The following ELP4 variants were observed in gnomAD, a reference collection of about 807,000 sequenced individuals.
ELP4 encodes the protein elongator acetyltransferase complex subunit 4.
ELP4 carries 51 observed loss-of-function variants against 48.9 expected under a neutral mutation model. The ratio of observed to expected loss-of-function variants is 1.04; its 90% CI spans 0.83 to 1.32. The LOEUF is 1.32. Ranked by LOEUF, ELP4 falls within the 40% of genes most tolerant of loss-of-function variation. ELP4 has a pLI of 0.00. For synonymous variants in ELP4, 210 were observed against 189.2 expected, an observed-to-expected ratio of 1.11 and a Z score of -0.90; for missense variants, 519 against 514.6, an observed-to-expected ratio of 1.01 and a Z score of -0.08.
chr11:31,713,664 C>T (rs1946785855), intron 9 of ELP4, among the ~76,000 whole-genome samples: 1 of 152,124 alleles, frequency 6.6e-6, no homozygotes, highest in Non-Finnish European at 1.5e-5. Flanking sequence ...CTCAATTCCA[C>T]CAACCTTACA....
chr11:31,625,401 C>T (rs1944720688), intron 5 of ELP4, among the ~76,000 whole-genome samples: 1 of 151,702 alleles, frequency 6.6e-6, no homozygotes, highest in Non-Finnish European at 1.5e-5. Context: ...CATATGGAAT[C>T]AACATAAGTG....
intron 9 of ELP4, among the ~76,000 whole-genome samples, chr11:31,694,215 T>C (rs1480387329): frequency 6.6e-6 from 1 of 152,154 alleles, no homozygotes; most frequent in Admixed American, 6.6e-5. Flanking sequence ...GCTTTTGGTG[T>C]TTTAGACATG....
At chr11:31,763,344 C>T (rs1267584024) in intron 9 of ELP4, 2 of 1,416,006 alleles carry the variant, frequency 1.4e-6, no homozygotes, top group Non-Finnish European at 9.5e-7. Flanking sequence ...TTTTCCCCCT[C>T]TAATCCTTCT....
At chr11:31,615,938 G>C (rs1477635061) in intron 5 of ELP4, among the ~76,000 whole-genome samples, 1 of 152,004 alleles carries the variant, frequency 6.6e-6, no homozygotes, top group South Asian at 2.1e-4. Context: ...AAGTTAATGA[G>C]AACTGATTTT....
intron 9 of ELP4, among the ~76,000 whole-genome samples, chr11:31,731,320 T>C (rs958857614): frequency 2.0e-5 from 3 of 152,182 alleles, no homozygotes; most frequent in African/African-American, 7.2e-5. Context: ...AGAGAAACTA[T>C]GTGTGAACAA....
chr11:31,664,917 G>T (rs922875617), intron 9 of ELP4, among the ~76,000 whole-genome samples: 1 of 152,124 alleles, frequency 6.6e-6, no homozygotes, highest in East Asian at 1.9e-4. Flanking sequence ...TTAATAATGT[G>T]TGACTTTTCT....
At chr11:31,628,302 T>C (rs1231331277) in intron 6 of ELP4, 1 of 152,114 alleles carries the variant, frequency 6.6e-6, no homozygotes, top group Non-Finnish European at 1.5e-5. Flanking sequence ...GTGGTAACTA[T>C]GGAAACAGGC....
intron 9 of ELP4, among the ~76,000 whole-genome samples, chr11:31,738,232 CAAAAA>C (rs57817538): frequency 5.6e-5 from 3 of 53,714 alleles, no homozygotes; most frequent in African/African-American, 7.3e-5. Flanking sequence ...CCATCTCTAC[CAAAAA>C]AAAAAAAAAA....
chr11:31,645,426 G>A (rs145516629), intron 7 of ELP4, among the ~76,000 whole-genome samples: 1 of 151,822 alleles, frequency 6.6e-6, no homozygotes, highest in African/African-American at 2.4e-5. Context: ...TTTGAAATAA[G>A]CAAATGTCAG....
At chr11:31,587,951 G>T (rs779512183) in intron 3 of ELP4, among the ~76,000 whole-genome samples, 1 of 152,038 alleles carries the variant, frequency 6.6e-6, no homozygotes, top group African/African-American at 2.4e-5. Context: ...GAACATTATA[G>T]TTGATAGTTG....
chr11:31,546,843 G>A (rs1401434200), intron 3 of ELP4, among the ~76,000 whole-genome samples: 8 of 152,028 alleles, frequency 5.3e-5, no homozygotes, highest in East Asian at 1.9e-4. Flanking sequence ...ACTCAAAACC[G>A]CTCAACTGTA....
At chr11:31,593,667 G>A (rs372802254) in intron 3 of ELP4, among the ~76,000 whole-genome samples, 7 of 152,186 alleles carry the variant, frequency 4.6e-5, no homozygotes, top group South Asian at 2.1e-4. Flanking sequence ...TCTAGTTGCC[G>A]AATTCAAACT....
At chr11:31,570,351 A>T (rs534940165) in intron 3 of ELP4, among the ~76,000 whole-genome samples, 6 of 152,116 alleles carry the variant, frequency 3.9e-5, no homozygotes, top group African/African-American at 1.4e-4. Flanking sequence ...TGTGGAATAC[A>T]AGGCAGGAGA....
At chr11:31,741,150 G>A (rs997545220) in intron 9 of ELP4, among the ~76,000 whole-genome samples, 2 of 152,166 alleles carry the variant, frequency 1.3e-5, no homozygotes, top group Non-Finnish European at 2.9e-5. Flanking sequence ...TGCTAGCACA[G>A]CAGTCCGAGA....
intron 3 of ELP4, among the ~76,000 whole-genome samples, chr11:31,548,467 T>C (rs927297566): frequency 6.6e-6 from 1 of 151,928 alleles, no homozygotes; most frequent in African/African-American, 2.4e-5. Context: ...TACAAACCAC[T>C]GCTCAATGAA....
chr11:31,636,276 G>A (rs1342717280), intron 7 of ELP4, among the ~76,000 whole-genome samples: 1 of 151,800 alleles, frequency 6.6e-6, no homozygotes, highest in African/African-American at 2.4e-5. Flanking sequence ...AGTGGTTTCG[G>A]GCAGAAGTAG....
chr11:31,677,845 T>C (rs1222653092), intron 9 of ELP4, among the ~76,000 whole-genome samples: 2 of 152,172 alleles, frequency 1.3e-5, no homozygotes, highest in Non-Finnish European at 2.9e-5. Context: ...TGAGCCAGAA[T>C]TGATACATTA....
At chr11:31,782,943 A>T (rs1189574085) in intron 9 of ELP4, among the ~76,000 whole-genome samples, 5 of 152,220 alleles carry the variant, frequency 3.3e-5, no homozygotes, top group African/African-American at 9.6e-5. Context: ...ACAAGTATTC[A>T]TGGGAATCTA....
rs539978147 is a variant in ELP4, at chr11:31,778,444, G to C, written c.1144-4949G>C. 2.0e-5 allele frequency among the ~76,000 whole-genome samples: 3 copies of C among 152,130 alleles called. No individual in the cohort carries two copies. The South Asian group carries it at 6.2e-4, about 32-fold the overall frequency. On this transcript the variant is annotated intron_variant, in intron 9 of 9. Coordinates refer to ENST00000640961, the MANE Select transcript of ELP4 (RefSeq NM_019040.5). ...CTGTTGCTATTGTTTATATTTGTTCGTTATATTTGTAGATTGATTTCCTTG... is the reference window on the plus strand; with the variant it reads ...CTGTTGCTATTGTTTATATTTGTTCCTTATATTTGTAGATTGATTTCCTTG...
Sources: gnomAD v4.1 joint callset for allele counts (sites outside exome capture counted in the v4.1 genomes callset) on GRCh38, gnomAD v4.1.1 for gene constraint, MANE v1.5 for transcripts, NCBI Gene and HGNC (gene_info 2026-07-23, HGNC 2026-07-21) for gene names.